The following INPP5A variants were observed in gnomAD, a reference collection of about 807,000 sequenced individuals.
The protein encoded by INPP5A is 43 kDa inositol polyphosphate 5-phophatase.
INPP5A carries 14 observed loss-of-function variants against 65.2 expected under a neutral mutation model. The ratio of observed to expected loss-of-function variants is 0.21; its 90% CI spans 0.14 to 0.34. INPP5A has a LOEUF of 0.34. Ranked by LOEUF, INPP5A falls within the 10% of genes least tolerant of loss-of-function variation. The pLI is 1.00. For missense variants in INPP5A, 431 were observed against 545.6 expected (o/e 0.79, Z 2.09); for synonymous variants, 207 against 208.3 (o/e 0.99, Z 0.05).
intron 2 of INPP5A, among the ~76,000 whole-genome samples, chr10:132,632,496 G>A (rs2072288998): frequency 1.3e-5 from 2 of 152,202 alleles, no homozygotes; most frequent in Admixed American, 6.5e-5. Context: ...ATGTGCCGAA[G>A]TGGATCCTCT....
chr10:132,707,142 T>C lies in INPP5A; in HGVS notation c.475-1171T>C, dbSNP rs1845549158. On this transcript the variant is annotated intron_variant, in intron 6 of 15. Coordinates refer to ENST00000368594, the MANE Select transcript of INPP5A (RefSeq NM_005539.5). The surrounding 1 kb of genome is among the most constrained non-coding windows in gnomAD (Gnocchi z 5.5). ...CCACAGTTAACTCCAGATTCCCATC[T>C]GCTTTCATCTCCTCAGCAGACCTTA... 6.6e-6 allele frequency among the ~76,000 whole-genome samples: 1 copy of C among 152,226 alleles called. No homozygotes were observed. Among genetic ancestry groups the C allele is most frequent in the Non-Finnish European group, 1.5e-5 (1 of 68,042 alleles).
chr10:132,667,962 T>A (rs1033279563), intron 4 of INPP5A, among the ~76,000 whole-genome samples: 1 of 152,236 alleles, frequency 6.6e-6, no homozygotes, highest in Non-Finnish European at 1.5e-5. Flanking sequence ...CCAACATTTA[T>A]TTATCCAGCA....
intron 9 of INPP5A, among the ~76,000 whole-genome samples, chr10:132,735,817 G>T (rs2134605258): frequency 6.6e-6 from 1 of 152,368 alleles, no homozygotes; most frequent in Non-Finnish European, 1.5e-5. Context: ...CAGGGGCAGG[G>T]TGTCTGGGAG....
intron 9 of INPP5A, among the ~76,000 whole-genome samples, chr10:132,732,029 G>T (rs534786802): frequency 9.0e-4 from 137 of 152,322 alleles, no homozygotes; most frequent in African/African-American, 3.1e-3. Context: ...CCAGGCAGTG[G>T]CAATGCAGAT....
At chr10:132,599,787 C>G (rs1278293926) in intron 1 of INPP5A, among the ~76,000 whole-genome samples, 1 of 152,228 alleles carries the variant, frequency 6.6e-6, no homozygotes, top group Non-Finnish European at 1.5e-5. Flanking sequence ...GTTCCCAAAC[C>G]TCAGTTCTTG....
chr10:132,570,534 CCTGGTGCTGCTG>C (rs2071328323), intron 1 of INPP5A, among the ~76,000 whole-genome samples: 2 of 152,170 alleles, frequency 1.3e-5, no homozygotes, highest in African/African-American at 4.8e-5. Flanking sequence ...CCCCCGCTGG[CCTGGTGCTGCTG>C]CTGGTGCTGA....
At chr10:132,568,147 A>C (rs554365101) in intron 1 of INPP5A, among the ~76,000 whole-genome samples, 14 of 146,632 alleles carry the variant, frequency 9.5e-5, no homozygotes, top group African/African-American at 3.5e-4. Context: ...GCTGAGATCG[A>C]GCCACTGCTC....
Position 132,777,768 on chromosome 10 carries a change from G to C in INPP5A, c.1075G>C (p.Glu359Gln). The change falls in exon 13 of 16, where the codon GAG becomes CAG. Residue 359 changes from glutamate (E) to glutamine (Q), a missense_variant. Coordinates refer to ENST00000368594, the MANE Select transcript of INPP5A (RefSeq NM_005539.5). ...DRILMSPSAK[E>Q]LVLRSESEEK... ...CATCCTCATGTCCCCGTCTGCCAAG[G>C]AGCTGGTGCTGCGGGTGAGTGTGTG... 1.9e-6 allele frequency: 3 copies of C among 1,613,092 alleles called. No homozygotes were observed. Among genetic ancestry groups the C allele is most frequent in the Non-Finnish European group, 2.5e-6 (3 of 1,179,966 alleles).
chr10:132,724,135 A>G (rs1845943100), intron 8 of INPP5A, among the ~76,000 whole-genome samples: 1 of 152,220 alleles, frequency 6.6e-6, no homozygotes, highest in Admixed American at 6.5e-5. Flanking sequence ...CCCTATAAAA[A>G]GTTGTACTAA....
intron 2 of INPP5A, among the ~76,000 whole-genome samples, chr10:132,621,423 T>C (rs542945945): frequency 2.6e-5 from 4 of 152,334 alleles, no homozygotes; most frequent in African/African-American, 9.6e-5. Flanking sequence ...GGGGCACAGC[T>C]TGATTTTATC....
chr10:132,551,042 A>G lies in INPP5A; in HGVS notation c.75+12871A>G, dbSNP rs2071042565. ...GTGGTCCATTTGGGCCAGTGGCTTCAGTAGCCACACGCTGCTTGGTCCAGG... is the reference window on the plus strand; with the variant it reads ...GTGGTCCATTTGGGCCAGTGGCTTCGGTAGCCACACGCTGCTTGGTCCAGG... On this transcript the variant is annotated intron_variant, in intron 1 of 15. Coordinates refer to ENST00000368594, the MANE Select transcript of INPP5A (RefSeq NM_005539.5). This position sits in a 1 kb window ranked among gnomAD's most constrained non-coding sequence, Gnocchi z 5.3. Among the ~76,000 whole-genome samples, 1 of 152,336 alleles carries G rather than the reference A, an allele frequency of 6.6e-6. No individual in the cohort carries two copies. The highest frequency in any genetic ancestry group is 2.4e-5 in the African/African-American group (1 of 41,582).
intron 2 of INPP5A, among the ~76,000 whole-genome samples, chr10:132,641,983 G>T (rs1259355460): frequency 6.6e-6 from 1 of 152,240 alleles, no homozygotes; most frequent in East Asian, 1.9e-4. Context: ...GGGCTCCCCA[G>T]TGTGGACCAG....
chr10:132,631,697 G>T lies in INPP5A; in HGVS notation c.118-14171G>T, dbSNP rs183430641. Among the ~76,000 whole-genome samples the T allele has an allele frequency of 4.2e-3, 646 of 152,344 alleles. 5 individuals carry two copies. The highest frequency in any genetic ancestry group is 0.015 in the African/African-American group (617 of 41,586). On this transcript the variant is annotated intron_variant, in intron 2 of 15. Transcript: ENST00000368594. ...GTTTCCTGGGAACCAGGGGCCCTTC[G>T]TGCTGGGCCCCGCTCCGCGGCAGAA...
At chr10:132,661,002 A>G (rs1425745171) in intron 4 of INPP5A, among the ~76,000 whole-genome samples, 1 of 152,116 alleles carries the variant, frequency 6.6e-6, no homozygotes, top group Non-Finnish European at 1.5e-5. Flanking sequence ...AGGGAGGAAA[A>G]CCAGATCCCT....
intron 12 of INPP5A, among the ~76,000 whole-genome samples, chr10:132,768,224 C>G (rs934499895): frequency 6.7e-6 from 1 of 149,652 alleles, no homozygotes; most frequent in African/African-American, 2.5e-5. Context: ...ATCTGTGGAC[C>G]CCGACCCTCA....
intron 1 of INPP5A, among the ~76,000 whole-genome samples, chr10:132,559,524 G>A (rs908774136): frequency 2.6e-5 from 4 of 152,110 alleles, no homozygotes; most frequent in African/African-American, 9.7e-5. Flanking sequence ...CGCCAACCAC[G>A]AAGCCACTTC....
chr10:132,542,712 G>T (rs560019089), intron 1 of INPP5A, among the ~76,000 whole-genome samples: 13 of 152,368 alleles, frequency 8.5e-5, no homozygotes, highest in Non-Finnish European at 1.5e-4. Flanking sequence ...TGCTCCCTCT[G>T]TGGATCCTCC....
intron 2 of INPP5A, among the ~76,000 whole-genome samples, chr10:132,613,354 C>A (rs1267048367): frequency 6.6e-6 from 1 of 152,074 alleles, no homozygotes; most frequent in East Asian, 1.9e-4. Flanking sequence ...AGAGGCCCTG[C>A]TGGGCGGTTT....
At chr10:132,717,161 T>TGGAG (rs1223859163) in intron 8 of INPP5A, among the ~76,000 whole-genome samples, 1 of 146,460 alleles carries the variant, frequency 6.8e-6, no homozygotes. Context: ...CCTCACGTGG[T>TGGAG]GGAGGGAGGG....
Sources: allele counts gnomAD v4.1 joint callset (sites outside exome capture counted in the v4.1 genomes callset), GRCh38; gene constraint gnomAD v4.1.1; non-coding constraint Gnocchi (gnomAD v3.1); transcripts MANE v1.5; gene names NCBI Gene and HGNC (gene_info 2026-07-23, HGNC 2026-07-21).